Variants in SP140 observed in about 807,000 individuals in gnomAD.
SP140 encodes the protein nuclear body protein SP140.
In SP140, 81 loss-of-function variants were observed where a neutral mutation model predicts 125.0. That is an observed-to-expected ratio of 0.65 (90% CI 0.54 to 0.78). SP140 has a LOEUF of 0.78. Ranked by LOEUF, SP140 falls within the 30% of genes least tolerant of loss-of-function variation. SP140 has a pLI of 0.00. For synonymous variants in SP140, 312 were observed against 354.0 expected, an observed-to-expected ratio of 0.88 and a Z score of 1.33; for missense variants, 858 against 1,037.0, an observed-to-expected ratio of 0.83 and a Z score of 2.37.
intron 12 of SP140, among the ~76,000 whole-genome samples, chr2:230,268,824 C>A (rs1258466041): frequency 6.6e-6 from 1 of 152,066 alleles, no homozygotes. Context: ...TCCAAGGGTC[C>A]CACAGGACAC....
chr2:230,245,151 T>C, intron 6 of SP140, 71 bp downstream of exon 6: 1 of 985,440 alleles, frequency 1.0e-6, no homozygotes, highest in South Asian at 1.4e-5. Flanking sequence ...CAACACTTCC[T>C]TCTCTCTCCA....
chr2:230,198,968 G>C (rs1332965280), upstream of SP140, among the ~76,000 whole-genome samples: 1 of 151,946 alleles, frequency 6.6e-6, no homozygotes, highest in African/African-American at 2.4e-5. Flanking sequence ...TCTTTAGCTG[G>C]AACATAGACA....
At chr2:230,256,484 G>C (rs1029903101) in intron 12 of SP140, among the ~76,000 whole-genome samples, 2 of 145,610 alleles carry the variant, frequency 1.4e-5, no homozygotes, top group Non-Finnish European at 3.0e-5. Flanking sequence ...GAGAACACTT[G>C]GACACAAGAA....
At chr2:230,288,263 A>G (rs755527810) in intron 18 of SP140, among the ~76,000 whole-genome samples, 5 of 152,236 alleles carry the variant, frequency 3.3e-5, no homozygotes, top group African/African-American at 4.8e-5. Flanking sequence ...GGTATAACCC[A>G]TAAGTGATTT....
At chr2:230,299,074 G>T (rs1575310030) in intron 22 of SP140, among the ~76,000 whole-genome samples, 1 of 152,228 alleles carries the variant, frequency 6.6e-6, no homozygotes, top group Non-Finnish European at 1.5e-5. Flanking sequence ...CAAAATGGCA[G>T]ATAGGAGGCA....
chr2:230,231,733 GTCT>G, intron 1 of SP140, among the ~76,000 whole-genome samples: 2 of 151,722 alleles, frequency 1.3e-5, no homozygotes, highest in South Asian at 4.2e-4. Flanking sequence ...TTGAGATGGA[GTCT>G]TGCTTTGTTG....
chr2:230,254,397 C>T (rs1439548662), intron 11 of SP140, among the ~76,000 whole-genome samples: 1 of 152,136 alleles, frequency 6.6e-6, no homozygotes, highest in Non-Finnish European at 1.5e-5. Flanking sequence ...TTTCTCTCCC[C>T]GCAGCCTCAT....
chr2:230,297,282 A>T, intron 21 of SP140, 139 bp from the exon 22 acceptor site: 1 of 964,746 alleles, frequency 1.0e-6, no homozygotes, highest in Non-Finnish European at 1.5e-6. Context: ...ACCCCAGCCT[A>T]CTGGCCTTCT....
Position 230,211,733 on chromosome 2 carries a change from T to C in SP140, c.-322-1921T>C, listed in dbSNP as rs1331015615. Among the ~76,000 whole-genome samples the C allele has an allele frequency of 6.6e-6, 1 of 152,190 alleles. No homozygotes were observed. Among genetic ancestry groups the C allele is most frequent in the Admixed American group, 6.5e-5 (1 of 15,280 alleles). On this transcript the variant is annotated intron_variant, in intron 1 of 4. Coordinates refer to the SP140 transcript ENST00000456542. The surrounding 1 kb of genome is among the most constrained non-coding windows in gnomAD (Gnocchi z 4.2). ...CCATTCACTCTCAATTAGCCACTTG[T>C]TCTTCCATTGCTGTTAGCTTCCTGA...
chr2:230,238,441 C>A (rs954098520), intron 3 of SP140, 60 bp downstream of exon 3: 6 of 1,457,156 alleles, frequency 4.1e-6, no homozygotes, highest in Non-Finnish European at 5.7e-6. Context: ...TTGATTCATT[C>A]ATTCACTCTT....
intron 26 of SP140, 126 bp from the exon 27 acceptor site, chr2:230,312,460 C>T: frequency 3.4e-6 from 2 of 594,430 alleles, no homozygotes; most frequent in East Asian, 3.2e-5. Context: ...AAATATATGC[C>T]ATTATAAATT....
intron 3 of SP140, among the ~76,000 whole-genome samples, chr2:230,241,137 G>A (rs1297190309): frequency 6.6e-6 from 1 of 152,194 alleles, no homozygotes; most frequent in Admixed American, 6.5e-5. Context: ...CGCCATTGCT[G>A]GTGATAGGAA....
chr2:230,231,057 A>G (rs1048091810), intron 1 of SP140, among the ~76,000 whole-genome samples: 2 of 151,988 alleles, frequency 1.3e-5, no homozygotes, highest in African/African-American at 4.8e-5. Context: ...CATCAAAGGT[A>G]TTCTTCATTT....
chr2:230,312,473 A>G (rs1177149389), intron 26 of SP140, 113 bp from the exon 27 acceptor site: 3 of 657,172 alleles, frequency 4.6e-6, no homozygotes, highest in Non-Finnish European at 7.8e-6. Flanking sequence ...TATAAATTGT[A>G]GACTTACAGT....
chr2:230,257,855 G>A (rs1327636595), intron 12 of SP140, among the ~76,000 whole-genome samples: 2 of 152,000 alleles, frequency 1.3e-5, no homozygotes, highest in Non-Finnish European at 1.5e-5. Context: ...TTGTGCTTGT[G>A]GGTCAGTTTC....
At chr2:230,223,035 C>G (rs994932946), upstream of SP140, among the ~76,000 whole-genome samples, 5 of 146,966 alleles carry the variant, frequency 3.4e-5, no homozygotes, top group Non-Finnish European at 7.6e-5. Context: ...ATCAATCAGT[C>G]TGACTTTTTT....
chr2:230,194,982 G>C, the SP140 span, among the ~76,000 whole-genome samples: 2 of 152,170 alleles, frequency 1.3e-5, no homozygotes, highest in Admixed American at 1.3e-4. Context: ...GGTCATGCCA[G>C]CTGGTCAGGT....
At chr2:230,262,665 T>C (rs1347972829) in intron 12 of SP140, among the ~76,000 whole-genome samples, 3 of 152,158 alleles carry the variant, frequency 2.0e-5, no homozygotes, top group Admixed American at 1.3e-4. Flanking sequence ...AGAATTACTG[T>C]CATTCAGCTT....
intron 9 of SP140, among the ~76,000 whole-genome samples, chr2:230,250,028 A>T (rs139120802): frequency 0.017 from 2,524 of 152,278 alleles, 47 homozygotes; most frequent in Non-Finnish European, 0.022. Context: ...TTATCCCAGG[A>T]CCCTGCCCCT....
Sources: allele counts gnomAD v4.1 joint callset (sites outside exome capture counted in the v4.1 genomes callset), GRCh38; gene constraint gnomAD v4.1.1; non-coding constraint Gnocchi (gnomAD v3.1); transcripts MANE v1.5; gene names NCBI Gene and HGNC (gene_info 2026-07-23, HGNC 2026-07-21).